PTPRT: variants seen among roughly 807,000 people sequenced by gnomAD.
PTPRT encodes protein tyrosine phosphatase receptor type T.
PTPRT carries 56 observed loss-of-function variants against 176.8 expected under a neutral mutation model. The ratio of observed to expected loss-of-function variants is 0.32; its 90% CI spans 0.26 to 0.40. The LOEUF (loss-of-function observed/expected upper bound fraction) is 0.40. Ranked by LOEUF, PTPRT falls within the 10% of genes least tolerant of loss-of-function variation. The pLI is 1.00. For missense variants in PTPRT, 1,540 were observed against 1,908.2 expected (o/e 0.81, Z 3.60); for synonymous variants, 783 against 739.0 (o/e 1.06, Z -0.96).
At chr20:42,990,622 T>A (rs1308205400) in intron 1 of PTPRT, among the ~76,000 whole-genome samples, 1 of 152,194 alleles carries the variant, frequency 6.6e-6, no homozygotes, top group African/African-American at 2.4e-5. Context: ...ATAGTGAAGA[T>A]GATATGTCTT....
chr20:42,304,791 G>A (rs940543382), intron 12 of PTPRT, among the ~76,000 whole-genome samples: 2 of 152,180 alleles, frequency 1.3e-5, no homozygotes, highest in South Asian at 2.1e-4. Context: ...GAGCAAAAAT[G>A]TTCTGATGAC....
intron 2 of PTPRT, among the ~76,000 whole-genome samples, chr20:42,847,046 A>G (rs1322415743): frequency 1.3e-5 from 2 of 152,196 alleles, no homozygotes. Context: ...CTTGTCCTCC[A>G]GTTTTTATGA....
chr20:42,674,614 C>A (rs939526048), intron 7 of PTPRT, among the ~76,000 whole-genome samples: 1 of 152,146 alleles, frequency 6.6e-6, no homozygotes, highest in African/African-American at 2.4e-5. Flanking sequence ...ATGAATATTG[C>A]ATTGCAAAGC....
intron 1 of PTPRT, among the ~76,000 whole-genome samples, chr20:42,985,412 T>C (rs1983515622): frequency 6.6e-6 from 1 of 152,052 alleles, no homozygotes; most frequent in Non-Finnish European, 1.5e-5. Context: ...GGAGAATCAC[T>C]TGAACCCAGG....
At chr20:42,745,296 G>A (rs1270642199) in intron 6 of PTPRT, among the ~76,000 whole-genome samples, 1 of 152,176 alleles carries the variant, frequency 6.6e-6, no homozygotes, top group African/African-American at 2.4e-5. Context: ...TCCAGTTTCT[G>A]CACCTGGCGT....
At chr20:42,456,155 T>A (rs2070919952) in intron 8 of PTPRT, among the ~76,000 whole-genome samples, 2 of 152,134 alleles carry the variant, frequency 1.3e-5, no homozygotes, top group African/African-American at 4.8e-5. Context: ...TACCTTATAT[T>A]TTTATTGCTA....
In PTPRT at chr20:42,504,276, G is replaced by T. The variant is rs182423262; in HGVS notation, c.1154-31714C>A. On this transcript the variant is annotated intron_variant, in intron 7 of 30. Coordinates refer to ENST00000373187, the MANE Select transcript of PTPRT (RefSeq NM_007050.6). Reference sequence around the variant, plus strand: ...GTGTAATCCCATCTATTCATTTATTGTTCAATTAATTCTTGTTCAGCAAAC... The same window carrying T: ...GTGTAATCCCATCTATTCATTTATTTTTCAATTAATTCTTGTTCAGCAAAC... Among the ~76,000 whole-genome samples, 516 of 151,922 alleles carry T rather than the reference G, an allele frequency of 3.4e-3. 2 individuals carry two copies. Among genetic ancestry groups the T allele is most frequent in the African/African-American group, 0.012 (492 of 41,450 alleles).
intron 7 of PTPRT, among the ~76,000 whole-genome samples, chr20:42,645,769 T>TGTGTGA (rs1365213053): frequency 9.1e-6 from 1 of 109,660 alleles, no homozygotes; most frequent in African/African-American, 3.7e-5. Context: ...TATTTATGTG[T>TGTGTGA]GTGTGTGTGT....
chr20:42,165,445 A>G (rs1236410116), intron 16 of PTPRT, among the ~76,000 whole-genome samples: 1 of 152,182 alleles, frequency 6.6e-6, no homozygotes, highest in African/African-American at 2.4e-5. Context: ...ACAGGCCCCT[A>G]AGAGATGGAA....
intron 7 of PTPRT, among the ~76,000 whole-genome samples, chr20:42,494,169 T>C (rs558715935): frequency 6.6e-6 from 1 of 152,318 alleles, no homozygotes; most frequent in African/African-American, 2.4e-5. Context: ...CTGTATATTA[T>C]GGTTAGAGAC....
chr20:43,083,373 T>C (rs1259692267), intron 1 of PTPRT, among the ~76,000 whole-genome samples: 1 of 135,646 alleles, frequency 7.4e-6, no homozygotes, highest in East Asian at 2.1e-4. Flanking sequence ...TATATATACA[T>C]TTTTTGAGAC....
rs1258420643 is a variant in PTPRT at position 42,436,212 on chromosome 20, A to C, written c.1560+12008T>G. The stretch of plus-strand genomic sequence containing the variant: ...AGGGAAGAATTTCTTAAGGACACAA[A>C]ATGTGTTAACTATATAAACAAAGTG... On this transcript the variant is annotated intron_variant, in intron 9 of 30. Coordinates refer to ENST00000373187, the MANE Select transcript of PTPRT (RefSeq NM_007050.6). 8.5e-5 allele frequency among the ~76,000 whole-genome samples: 13 copies of C among 152,186 alleles called. 1 individual carries two copies. Among genetic ancestry groups the C allele is most frequent in the Non-Finnish European group, 1.5e-5 (1 of 68,022 alleles).
rs148638595 is a variant in PTPRT, at chr20:42,534,289, A to G, written c.1154-61727T>C. Among the ~76,000 whole-genome samples, 550 of 152,298 alleles carry G rather than the reference A, an allele frequency of 3.6e-3. 6 individuals carry two copies. The highest frequency in any genetic ancestry group is 0.013 in the African/African-American group (522 of 41,570). On this transcript the variant is annotated intron_variant, in intron 7 of 30. Transcript: ENST00000373187. ...CCTTGGCAAACAGATACCAGCAGACAGTGTGTGTGGATTTCCACAAGGACA... is the reference window on the plus strand; with the variant it reads ...CCTTGGCAAACAGATACCAGCAGACGGTGTGTGTGGATTTCCACAAGGACA...
chr20:42,711,798 T>C (rs1256037505), intron 6 of PTPRT, among the ~76,000 whole-genome samples: 1 of 151,250 alleles, frequency 6.6e-6, no homozygotes, highest in Non-Finnish European at 1.5e-5. Flanking sequence ...CATTACCTCC[T>C]GCATCCTATC....
chr20:42,611,605 A>T (rs773810856), intron 7 of PTPRT, among the ~76,000 whole-genome samples: 10 of 152,046 alleles, frequency 6.6e-5, no homozygotes, highest in Non-Finnish European at 1.3e-4. Flanking sequence ...AGCCCTCTCC[A>T]TGTGTTTATC....
At chr20:42,730,595 AG>A (rs2076445972) in intron 6 of PTPRT, among the ~76,000 whole-genome samples, 1 of 152,208 alleles carries the variant, frequency 6.6e-6, no homozygotes, top group African/African-American at 2.4e-5. Flanking sequence ...AGAAATTCTC[AG>A]GGAACCAAAT....
chr20:42,255,015 C>G (rs1052939024), intron 13 of PTPRT, among the ~76,000 whole-genome samples: 1 of 152,138 alleles, frequency 6.6e-6, no homozygotes, highest in South Asian at 2.1e-4. Flanking sequence ...TCACCCTGAC[C>G]CTCCCCATGT....
downstream of PTPRT, among the ~76,000 whole-genome samples, chr20:42,069,374 A>AT (rs1294495527): frequency 2.0e-5 from 3 of 151,518 alleles, no homozygotes; most frequent in Admixed American, 6.6e-5. Flanking sequence ...TGAGCAAGAG[A>AT]TTTTTTTTTC....
chr20:42,335,630 T>G (rs2058029173), intron 11 of PTPRT, among the ~76,000 whole-genome samples: 1 of 152,192 alleles, frequency 6.6e-6, no homozygotes, highest in African/African-American at 2.4e-5. Context: ...GCCAAAATTA[T>G]AAACAAATTT....
Sources: allele counts gnomAD v4.1 joint callset (sites outside exome capture counted in the v4.1 genomes callset), GRCh38; gene constraint gnomAD v4.1.1; transcripts MANE v1.5; gene names NCBI Gene and HGNC (gene_info 2026-07-23, HGNC 2026-07-21).